The following STAG1 variants were observed in gnomAD, a reference collection of about 807,000 sequenced individuals.
STAG1 encodes STAG1 cohesin complex component, also known as cohesin subunit SA-1.
Under a neutral mutation model 170.9 loss-of-function variants are expected in STAG1, and 26 were observed. The ratio of observed to expected loss-of-function variants is 0.15; its 90% CI spans 0.11 to 0.21. The LOEUF is 0.21. Among genes scored for constraint, STAG1 ranks in the 10% least tolerant of loss-of-function variants. STAG1 has a pLI of 1.00. For missense variants in STAG1, 964 were observed against 1,509.5 expected, an observed-to-expected ratio of 0.64 and a Z score of 5.99; for synonymous variants, 514 against 497.7, an observed-to-expected ratio of 1.03 and a Z score of -0.44.
intron 1 of STAG1, among the ~76,000 whole-genome samples, chr3:136,685,927 G>C (rs1201596734): frequency 7.1e-6 from 1 of 140,068 alleles, no homozygotes; most frequent in Non-Finnish European, 1.6e-5. Flanking sequence ...GAATAAAGAA[G>C]ATTGGGGTTT....
intron 1 of STAG1, among the ~76,000 whole-genome samples, chr3:136,651,339 C>T (rs1392245164): frequency 6.8e-6 from 1 of 147,722 alleles, no homozygotes; most frequent in African/African-American, 2.5e-5. Flanking sequence ...GCACTCCAGC[C>T]TCAGTGAAAG....
chr3:136,465,178 AG>A (rs2089416292), intron 12 of STAG1, among the ~76,000 whole-genome samples, 190 bp from the exon 13 acceptor site: 2 of 151,882 alleles, frequency 1.3e-5, no homozygotes, highest in African/African-American at 4.8e-5. Flanking sequence ...CAGAAAATAC[AG>A]ATTCAACGAG....
intron 4 of STAG1, among the ~76,000 whole-genome samples, chr3:136,570,390 C>T: frequency 6.6e-6 from 1 of 152,088 alleles, no homozygotes; most frequent in East Asian, 1.9e-4. Context: ...TTTTACATTG[C>T]TGAATATTAT....
intron 5 of STAG1, among the ~76,000 whole-genome samples, chr3:136,555,593 G>A (rs7427564): frequency 0.36 from 54,442 of 151,930 alleles, 12,300 homozygotes; most frequent in East Asian, 0.81. Flanking sequence ...TGAGGTAGTA[G>A]AATCCGCTTG....
At chr3:136,377,929 AG>A (rs993179821) in intron 22 of STAG1, among the ~76,000 whole-genome samples, 177 bp from the exon 23 acceptor site, 1 of 152,230 alleles carries the variant, frequency 6.6e-6, no homozygotes, top group South Asian at 2.1e-4. Flanking sequence ...TCCTAATAGA[AG>A]GGGTAGTGAC....
intron 4 of STAG1, among the ~76,000 whole-genome samples, chr3:136,571,803 C>G (rs1401133195): frequency 1.3e-5 from 2 of 152,098 alleles, no homozygotes; most frequent in Non-Finnish European, 2.9e-5. Flanking sequence ...ATCACTTGAG[C>G]CCAGGAGTTT....
intron 4 of STAG1, among the ~76,000 whole-genome samples, chr3:136,588,140 T>G (rs749605599): frequency 5.3e-5 from 8 of 152,196 alleles, no homozygotes; most frequent in Non-Finnish European, 1.2e-4. Context: ...AAACATGAAT[T>G]CGCTCTTCAC....
intron 14 of STAG1, among the ~76,000 whole-genome samples, chr3:136,450,423 T>C (rs2088903581): frequency 6.6e-6 from 1 of 152,192 alleles, no homozygotes; most frequent in South Asian, 2.1e-4. Context: ...GTTTTGTTTC[T>C]GACTTTATTT....
At chr3:136,493,697 A>G (rs2090163483) in intron 9 of STAG1, among the ~76,000 whole-genome samples, 1 of 151,796 alleles carries the variant, frequency 6.6e-6, no homozygotes, top group Non-Finnish European at 1.5e-5. Flanking sequence ...TAAATATGGA[A>G]ACATAAATCA....
chr3:136,737,134 C>A, intron 1 of STAG1: 2 of 804,554 alleles, frequency 2.5e-6, no homozygotes, highest in South Asian at 2.7e-5. Context: ...CACGTTAGAA[C>A]CAAGTCTCTC....
At chr3:136,459,123 C>A (rs932449061) in intron 13 of STAG1, among the ~76,000 whole-genome samples, 1 of 151,012 alleles carries the variant, frequency 6.6e-6, no homozygotes, top group South Asian at 2.1e-4. Context: ...GAGGCTGAGG[C>A]AGGAGAACTG....
At chr3:136,453,822 C>G (rs550894884) in intron 13 of STAG1, among the ~76,000 whole-genome samples, 2 of 150,266 alleles carry the variant, frequency 1.3e-5, no homozygotes, top group Admixed American at 1.3e-4. Flanking sequence ...GTAGGCCTCT[C>G]AAATGAGAGG....
chr3:136,679,219 T>C (rs1942248315), intron 1 of STAG1, among the ~76,000 whole-genome samples: 1 of 152,018 alleles, frequency 6.6e-6, no homozygotes, highest in Non-Finnish European at 1.5e-5. Flanking sequence ...CAACATCAAG[T>C]GAAACAAAAA....
At chr3:136,355,351 TAAAAAAAAAAAAAAA>T (rs370605205) in intron 28 of STAG1, among the ~76,000 whole-genome samples, 5 of 29,966 alleles carry the variant, frequency 1.7e-4, no homozygotes, top group Admixed American at 5.7e-4. Context: ...GACTCCATCT[TAAAAAAAAAAAAAAA>T]AAAAAAAAAA....
At chr3:136,642,564 C>A (rs1448057588) in intron 1 of STAG1, among the ~76,000 whole-genome samples, 1 of 152,090 alleles carries the variant, frequency 6.6e-6, no homozygotes, top group African/African-American at 2.4e-5. Flanking sequence ...CTGCACCCGG[C>A]CCACAATTTC....
chr3:136,506,235 T>G (rs541299418), intron 7 of STAG1, among the ~76,000 whole-genome samples: 1 of 152,184 alleles, frequency 6.6e-6, no homozygotes, highest in Non-Finnish European at 1.5e-5. Context: ...TTTGCAATAA[T>G]GAGTCTTAGG....
At chr3:136,644,900 T>C (rs1429875570) in intron 1 of STAG1, among the ~76,000 whole-genome samples, 1 of 152,092 alleles carries the variant, frequency 6.6e-6, no homozygotes, top group African/African-American at 2.4e-5. Flanking sequence ...TTTTGTATTT[T>C]TGGTAGAGAC....
chr3:136,719,044 C>A (rs1378669189), intron 1 of STAG1, among the ~76,000 whole-genome samples: 1 of 152,112 alleles, frequency 6.6e-6, no homozygotes, highest in Non-Finnish European at 1.5e-5. Context: ...AATTCCAATC[C>A]TAGGTATCTG....
At chr3:136,433,503 C>T (rs2088369238) in intron 16 of STAG1, 53 bp downstream of exon 16, 2 of 1,300,642 alleles carry the variant, frequency 1.5e-6, no homozygotes, top group South Asian at 1.3e-5. Context: ...ATATTTAAGA[C>T]AGTTAATTGC....
Sources: allele counts gnomAD v4.1 joint callset (sites outside exome capture counted in the v4.1 genomes callset), GRCh38; gene constraint gnomAD v4.1.1; transcripts MANE v1.5; gene names NCBI Gene and HGNC (gene_info 2026-07-23, HGNC 2026-07-21).